Variants in PTPRD observed in about 807,000 individuals in gnomAD.
PTPRD encodes the protein protein tyrosine phosphatase receptor type D.
A neutral mutation model predicts 214.5 loss-of-function variants in PTPRD; 34 were observed. That is an observed-to-expected ratio of 0.16 (90% confidence interval 0.12 to 0.21). The LOEUF is 0.21. PTPRD is among the 10% of genes least tolerant of loss of function. PTPRD has a pLI of 1.00. For missense variants in PTPRD, 2,545 were observed against 2,398.7 expected (o/e 1.06, Z -1.27); for synonymous variants, 1,128 against 845.7 (o/e 1.33, Z -5.79).
chr9:8,577,852 G>C (rs2092620495), intron 14 of PTPRD, among the ~76,000 whole-genome samples: 1 of 152,154 alleles, frequency 6.6e-6, no homozygotes, highest in Non-Finnish European at 1.5e-5. Context: ...GTGGGACTCA[G>C]AAATTTGTAG....
chr9:8,929,266 C>A (rs938888980), intron 11 of PTPRD, among the ~76,000 whole-genome samples: 6 of 151,948 alleles, frequency 3.9e-5, no homozygotes, highest in African/African-American at 1.5e-4. Flanking sequence ...TGTCTTGTGC[C>A]GGTTTTCAAA....
At chr9:10,110,011 T>C (rs556855413) in intron 3 of PTPRD, among the ~76,000 whole-genome samples, 4 of 151,814 alleles carry the variant, frequency 2.6e-5, no homozygotes, top group African/African-American at 7.2e-5. Context: ...TTCTCAAAGA[T>C]GATGTCAACA....
intron 4 of PTPRD, among the ~76,000 whole-genome samples, chr9:10,001,073 C>CT (rs1037190281): frequency 6.6e-5 from 10 of 151,898 alleles, no homozygotes; most frequent in African/African-American, 2.2e-4. Flanking sequence ...TAGCGGGGAG[C>CT]TTTTTTTTCT....
chr9:10,519,236 G>GAACT (rs2134118770), intron 2 of PTPRD, among the ~76,000 whole-genome samples: 1 of 94,914 alleles, frequency 1.1e-5, no homozygotes, highest in African/African-American at 4.3e-5. Context: ...GTTATTAGAA[G>GAACT]AACTCCTCTC....
At chr9:8,901,486 C>T (rs917118239) in intron 11 of PTPRD, among the ~76,000 whole-genome samples, 2 of 152,240 alleles carry the variant, frequency 1.3e-5, no homozygotes, top group South Asian at 4.1e-4. Context: ...CAGCAGCATG[C>T]GATAAGTAGG....
At chr9:9,542,774 T>A (rs544447851) in intron 8 of PTPRD, among the ~76,000 whole-genome samples, 3 of 151,814 alleles carry the variant, frequency 2.0e-5, no homozygotes, top group African/African-American at 4.8e-5. Flanking sequence ...CATTTCAGTT[T>A]ACTAAAATGC....
intron 11 of PTPRD, among the ~76,000 whole-genome samples, chr9:9,010,964 A>G (rs1443490450): frequency 6.6e-6 from 1 of 152,176 alleles, no homozygotes; most frequent in African/African-American, 2.4e-5. Context: ...AATTTTAATG[A>G]TTAATATTGA....
chr9:8,320,797 G>C (rs1428204808), intron 44 of PTPRD, among the ~76,000 whole-genome samples: 1 of 152,090 alleles, frequency 6.6e-6, no homozygotes, highest in African/African-American at 2.4e-5. Context: ...CTTCACGGTA[G>C]CAAGAAAGAA....
chr9:9,032,533 T>C (rs1411172192), intron 10 of PTPRD, among the ~76,000 whole-genome samples: 1 of 152,010 alleles, frequency 6.6e-6, no homozygotes, highest in African/African-American at 2.4e-5. Flanking sequence ...CTCCCTCCCT[T>C]GCCCCCAAGG....
intron 39 of PTPRD, among the ~76,000 whole-genome samples, chr9:8,368,349 G>A (rs1302521042): frequency 2.6e-5 from 4 of 152,124 alleles, no homozygotes; most frequent in African/African-American, 4.8e-5. Context: ...GTGATGGGGA[G>A]ATGCTCTGTA....
At chr9:9,093,631 T>C (rs1260212004) in intron 10 of PTPRD, among the ~76,000 whole-genome samples, 2 of 151,136 alleles carry the variant, frequency 1.3e-5, no homozygotes, top group African/African-American at 2.4e-5. Flanking sequence ...GCATTTTTAA[T>C]TTTATAAAAT....
At chr9:9,211,218 T>C (rs934165966) in intron 9 of PTPRD, among the ~76,000 whole-genome samples, 3 of 152,078 alleles carry the variant, frequency 2.0e-5, no homozygotes, top group African/African-American at 4.8e-5. Flanking sequence ...TGGTATTTAA[T>C]CATACAGACT....
rs566241346 is a variant in PTPRD, at chr9:9,566,322, A to T, written c.-237+8410T>A. Reference sequence around the variant, plus strand: ...TATATATGAAGGTAAATTATAATACACAACTATAAGAATTTTATTTGTTTA... The same window carrying T: ...TATATATGAAGGTAAATTATAATACTCAACTATAAGAATTTTATTTGTTTA... On this transcript the variant is annotated intron_variant, in intron 8 of 45. Transcript: ENST00000381196. Among the ~76,000 whole-genome samples the T allele has an allele frequency of 5.7e-4, 87 of 152,178 alleles. 1 individual carries two copies. Among genetic ancestry groups the T allele is most frequent in the Admixed American group, 2.0e-3 (31 of 15,256 alleles).
chr9:10,071,944 A>G (rs1201951672), intron 3 of PTPRD, among the ~76,000 whole-genome samples: 1 of 151,914 alleles, frequency 6.6e-6, no homozygotes, highest in East Asian at 1.9e-4. Flanking sequence ...TAAATTATAT[A>G]TTCTGTAAAT....
intron 10 of PTPRD, among the ~76,000 whole-genome samples, chr9:9,021,174 T>A (rs1762137673): frequency 6.6e-6 from 1 of 152,168 alleles, no homozygotes; most frequent in Admixed American, 6.6e-5. Flanking sequence ...CATAAACACC[T>A]TAAAAATCAA....
chr9:9,991,250 TA>T (rs1208064096), intron 4 of PTPRD, among the ~76,000 whole-genome samples: 1 of 151,962 alleles, frequency 6.6e-6, no homozygotes, highest in African/African-American at 2.4e-5. Context: ...AATATTCTCA[TA>T]AACTTGGGGA....
At chr9:8,756,705 C>T (rs28568886) in intron 11 of PTPRD, among the ~76,000 whole-genome samples, 7,703 of 151,902 alleles carry the variant, frequency 0.051, 489 homozygotes, top group African/African-American at 0.15. Flanking sequence ...GTAAAAATCC[C>T]CAAAATAATA....
intron 5 of PTPRD, among the ~76,000 whole-genome samples, chr9:9,821,106 G>A (rs1390863450): frequency 1.3e-5 from 2 of 152,098 alleles, no homozygotes; most frequent in Non-Finnish European, 2.9e-5. Context: ...TTCAATCCAT[G>A]AGCATAAATT....
intron 11 of PTPRD, among the ~76,000 whole-genome samples, chr9:8,998,046 T>A (rs1035101422): frequency 7.3e-5 from 11 of 151,212 alleles, no homozygotes; most frequent in East Asian, 5.8e-4. Context: ...TCATGAGTTT[T>A]AAAAAAAAAG....
Sources: gnomAD v4.1 joint callset for allele counts (sites outside exome capture counted in the v4.1 genomes callset) on GRCh38, gnomAD v4.1.1 for gene constraint, MANE v1.5 for transcripts, NCBI Gene and HGNC (gene_info 2026-07-23, HGNC 2026-07-21) for gene names.